ALKBH8: variants seen among roughly 807,000 people sequenced by gnomAD.
The protein encoded by ALKBH8 is tRNA (carboxymethyluridine(34)-5-O)-methyltransferase ALKBH8.
ALKBH8 carries 36 observed loss-of-function variants against 59.8 expected under a neutral mutation model. That is an observed-to-expected ratio of 0.60 (90% CI 0.46 to 0.79). ALKBH8 has a LOEUF of 0.79. Among genes scored for constraint, ALKBH8 ranks in the 30% least tolerant of loss-of-function variants. The pLI is 0.00. For missense variants in ALKBH8, 768 were observed against 801.0 expected, an observed-to-expected ratio of 0.96 and a Z score of 0.50; for synonymous variants, 276 against 273.6, an observed-to-expected ratio of 1.01 and a Z score of -0.09.
intron 7 of ALKBH8, 53 bp downstream of exon 7, chr11:107,549,700 G>T: frequency 1.6e-6 from 2 of 1,217,050 alleles, no homozygotes; most frequent in South Asian, 1.6e-5. Context: ...CTTTGAAAAG[G>T]GCATTGTACA....
chr11:107,549,666 A>G (rs912191803), intron 7 of ALKBH8, 87 bp downstream of exon 7: 9 of 969,128 alleles, frequency 9.3e-6, no homozygotes, highest in Non-Finnish European at 1.3e-5. Context: ...ATCTTAATTC[A>G]TTTTCATTAA....
intron 6 of ALKBH8, 132 bp from the exon 7 acceptor site, chr11:107,549,955 TA>T (rs1241572489): frequency 4.9e-5 from 30 of 607,464 alleles, no homozygotes; most frequent in Non-Finnish European, 7.8e-5. Flanking sequence ...TAATTTTGGT[TA>T]AAAGGAAACA....
chr11:107,524,555 C>A (rs537974846), intron 9 of ALKBH8, among the ~76,000 whole-genome samples: 1 of 152,082 alleles, frequency 6.6e-6, no homozygotes, highest in Non-Finnish European at 1.5e-5. Flanking sequence ...CTGCAATGTT[C>A]AATATTCATC....
At chr11:107,564,966 G>A (rs1464203169) in intron 1 of ALKBH8, among the ~76,000 whole-genome samples, 1 of 152,130 alleles carries the variant, frequency 6.6e-6, no homozygotes, top group Non-Finnish European at 1.5e-5. Context: ...TGAGTTTGGT[G>A]GCCTTCTTCA....
chr11:107,562,848 G>T (rs768545256), intron 1 of ALKBH8: 1 of 152,172 alleles, frequency 6.6e-6, no homozygotes, highest in East Asian at 1.9e-4. Context: ...GAAATAGGGG[G>T]AGAGGAGAAA....
Position 107,512,195 on chromosome 11 carries a change from T to C in ALKBH8, c.1288-1159A>G, listed in dbSNP as rs150740398. On this transcript the variant is annotated intron_variant, in intron 10 of 11. Coordinates refer to ENST00000428149, the MANE Select transcript of ALKBH8 (RefSeq NM_138775.3). Reference sequence around the variant, plus strand: ...GTTTTGCTGCTTAGTTCTAAGAATATCACATATATATGTAATATACAGACA... The same window carrying C: ...GTTTTGCTGCTTAGTTCTAAGAATACCACATATATATGTAATATACAGACA... Among the ~76,000 whole-genome samples the C allele has an allele frequency of 3.2e-3, 469 of 145,120 alleles. 2 individuals carry two copies. The highest frequency in any genetic ancestry group is 0.011 in the African/African-American group (455 of 40,076).
At chr11:107,537,434 T>G (rs924662365) in intron 7 of ALKBH8, among the ~76,000 whole-genome samples, 8 of 152,262 alleles carry the variant, frequency 5.3e-5, no homozygotes, top group African/African-American at 1.9e-4. Flanking sequence ...AGCCACTATC[T>G]TCAGCAAACT....
intron 10 of ALKBH8, among the ~76,000 whole-genome samples, chr11:107,519,290 A>G (rs1315950568): frequency 6.6e-6 from 1 of 151,772 alleles, no homozygotes; most frequent in Non-Finnish European, 1.5e-5. Flanking sequence ...TTTTCAGTAG[A>G]GATGAGGTTT....
rs73553649 is a variant in ALKBH8 at position 107,534,352 on chromosome 11, T to C, written c.772-1946A>G. On this transcript the variant is annotated intron_variant, in intron 7 of 11. Coordinates refer to ENST00000428149, the MANE Select transcript of ALKBH8 (RefSeq NM_138775.3). ...CCAGATATCCAGATGAAAACTGTCATGATGGGAAAATATTCTAGAAGACTA... is the reference window on the plus strand; with the variant it reads ...CCAGATATCCAGATGAAAACTGTCACGATGGGAAAATATTCTAGAAGACTA... Among the ~76,000 whole-genome samples, 784 of 152,320 alleles carry C rather than the reference T, an allele frequency of 5.1e-3. 4 individuals carry two copies. The highest frequency in any genetic ancestry group is 0.018 in the African/African-American group (742 of 41,568).
rs935676687 is a variant in ALKBH8, at chr11:107,531,317, T to C, written c.878+983A>G. 2.0e-5 allele frequency among the ~76,000 whole-genome samples: 3 copies of C among 152,184 alleles called. No homozygotes were observed. In the South Asian group the frequency reaches 6.2e-4, roughly 32 times the overall value. On this transcript the variant is annotated intron_variant, in intron 8 of 11. Coordinates refer to ENST00000428149, the MANE Select transcript of ALKBH8 (RefSeq NM_138775.3). Reference sequence around the variant, plus strand: ...TATTATGAGGGACAGTATATGTAAATTGCAGCAGTGTAATGGTCTCTCCTC... The same window carrying C: ...TATTATGAGGGACAGTATATGTAAACTGCAGCAGTGTAATGGTCTCTCCTC...
At chr11:107,510,740 G>A (rs1591245684) in intron 11 of ALKBH8, 147 bp downstream of exon 11, 6 of 830,822 alleles carry the variant, frequency 7.2e-6, no homozygotes, top group Non-Finnish European at 1.1e-5. Context: ...TATTCTGCAT[G>A]CTCTCTTACA....
intron 2 of ALKBH8, 47 bp from the exon 3 acceptor site, chr11:107,557,050 G>T: frequency 8.0e-7 from 1 of 1,249,330 alleles, no homozygotes; most frequent in Non-Finnish European, 1.1e-6. Context: ...ATGAGCAACT[G>T]ATACCAACCC....
chr11:107,557,078 A>AT lies in ALKBH8; in HGVS notation c.130-76dup, dbSNP rs889100385. On this transcript the variant is annotated intron_variant, in intron 2 of 11. Coordinates refer to ENST00000428149, the MANE Select transcript of ALKBH8 (RefSeq NM_138775.3). Reference sequence around the variant, plus strand: ...ACCAACCCATTTGTTTTAAAATAAGATTTTTTTTAAAAAAGATGTAATTAA... The same window carrying AT: ...ACCAACCCATTTGTTTTAAAATAAGATTTTTTTTTAAAAAAGATGTAATTAA... 3.1e-5 allele frequency: 34 copies of AT among 1,099,524 alleles called. 1 individual carries two copies. Among genetic ancestry groups the AT allele is most frequent in the East Asian group, 3.1e-4 (11 of 35,606 alleles). The allele number at this position is 1,099,524 out of a possible 1,614,324, so 68.1% of individuals were successfully genotyped here.
chr11:107,507,000 G>C (rs1434962061), intron 11 of ALKBH8, among the ~76,000 whole-genome samples: 3 of 49,184 alleles, frequency 6.1e-5, no homozygotes, highest in Non-Finnish European at 3.5e-4. Flanking sequence ...TGTCAGGAAG[G>C]GGTAATCATG....
chr11:107,509,190 G>A (rs772021442), intron 11 of ALKBH8, among the ~76,000 whole-genome samples: 8 of 152,046 alleles, frequency 5.3e-5, no homozygotes, highest in Non-Finnish European at 8.8e-5. Context: ...CTATATTTCC[G>A]ATAATAGCCA....
chr11:107,526,200 A>T (rs1042512299), intron 8 of ALKBH8, among the ~76,000 whole-genome samples: 54 of 151,994 alleles, frequency 3.6e-4, no homozygotes, highest in Admixed American at 3.5e-3. Context: ...TAGTTTTCCA[A>T]GGTAGTTGTA....
At chr11:107,538,616 T>G (rs896456039) in intron 7 of ALKBH8, among the ~76,000 whole-genome samples, 1 of 152,206 alleles carries the variant, frequency 6.6e-6, no homozygotes, top group Admixed American at 6.5e-5. Flanking sequence ...ATTCTCATCT[T>G]ATACAACTTT....
chr11:107,506,577 A>G (rs1190145575), intron 11 of ALKBH8, among the ~76,000 whole-genome samples: 1 of 152,174 alleles, frequency 6.6e-6, no homozygotes, highest in Admixed American at 6.5e-5. Flanking sequence ...TTAGCAAATT[A>G]GATACATTTA....
In ALKBH8 at chr11:107,532,361, T is replaced by A. The variant is rs751721712; in HGVS notation, c.817A>T (p.Met273Leu). ...KHPDGIAVPVMLPRRSLLVMT... is the reference protein window; with the variant it reads ...KHPDGIAVPVLLPRRSLLVMT... The stretch of plus-strand genomic sequence containing the variant: ...ACCAGCAAACTCCGACGAGGCAACA[T>A]AACTGGCACTGCAATGCCATCTGGG... The change falls in exon 8 of 12, where the codon ATG becomes TTG. Residue 273 changes from methionine to leucine, a missense_variant. Physicochemically the swap from Met to Leu is conservative, Grantham distance 15. Coordinates refer to ENST00000428149, the MANE Select transcript of ALKBH8 (RefSeq NM_138775.3). 2 of 1,613,718 alleles carry A rather than the reference T, an allele frequency of 1.2e-6. No individual in the cohort carries two copies. The highest frequency in any genetic ancestry group is 1.7e-6 in the Non-Finnish European group (2 of 1,179,720).
Sources: allele counts gnomAD v4.1 joint callset (sites outside exome capture counted in the v4.1 genomes callset), GRCh38; gene constraint gnomAD v4.1.1; transcripts MANE v1.5; gene names NCBI Gene and HGNC (gene_info 2026-07-23, HGNC 2026-07-21).